ENOX1: variants seen among roughly 807,000 people sequenced by gnomAD.
ENOX1 encodes the protein ecto-NOX disulfide-thiol exchanger 1, also known as candidate growth-related and time keeping constitutive hydroquinone (NADH) oxidase.
A neutral mutation model predicts 82.5 loss-of-function variants in ENOX1; 42 were observed. The ratio of observed to expected loss-of-function variants is 0.51; its 90% CI spans 0.40 to 0.66. The LOEUF is 0.66. Among genes scored for constraint, ENOX1 ranks in the 30% least tolerant of loss-of-function variants. ENOX1 has a pLI of 0.00. For missense variants in ENOX1, 608 were observed against 811.6 expected (o/e 0.75, Z 3.05); for synonymous variants, 271 against 282.2 (o/e 0.96, Z 0.40).
In ENOX1 at chr13:43,329,239, C is replaced by G. The variant is rs541834497; in HGVS notation, c.1037-2714G>C. Among the ~76,000 whole-genome samples the G allele has an allele frequency of 4.6e-5, 7 of 152,220 alleles. No homozygotes were observed. The East Asian group carries it at 1.4e-3, about 29-fold the overall frequency. The stretch of plus-strand genomic sequence containing the variant: ...TCAAGAGAGACCATGTATGCTAACT[C>G]TGATTGGGAACTTTATATTGTAGGA... On this transcript the variant is annotated intron_variant, in intron 9 of 16. Transcript: ENST00000690772.
At chr13:43,389,046 A>G (rs2052603611) in intron 5 of ENOX1, among the ~76,000 whole-genome samples, 1 of 152,192 alleles carries the variant, frequency 6.6e-6, no homozygotes, top group Non-Finnish European at 1.5e-5. Context: ...TAACTTACTA[A>G]ATAACAAAAG....
chr13:43,542,776 G>GT (rs1246178290), intron 2 of ENOX1, among the ~76,000 whole-genome samples: 1 of 152,134 alleles, frequency 6.6e-6, no homozygotes, highest in Non-Finnish European at 1.5e-5. Flanking sequence ...ATACAATACT[G>GT]TACACTGGGT....
chr13:43,416,396 G>A lies in ENOX1; in HGVS notation c.-74-3408C>T, dbSNP rs545223273. Among the ~76,000 whole-genome samples, 62 of 148,490 alleles carry A rather than the reference G, an allele frequency of 4.2e-4. No individual in the cohort carries two copies. In the South Asian group the frequency reaches 6.9e-3, roughly 17 times the overall value. On this transcript the variant is annotated intron_variant, in intron 3 of 16. Transcript: ENST00000690772. Reference sequence around the variant, plus strand: ...TCCTCACATCCCAGACGGGGCGGCCGGACAGAAGCGCTCCTCACATCCCAG... The same window carrying A: ...TCCTCACATCCCAGACGGGGCGGCCAGACAGAAGCGCTCCTCACATCCCAG...
chr13:43,515,834 C>A (rs769947102), intron 2 of ENOX1, among the ~76,000 whole-genome samples: 1 of 152,140 alleles, frequency 6.6e-6, no homozygotes, highest in Non-Finnish European at 1.5e-5. Flanking sequence ...TACTCCAATG[C>A]CTTCACAGCT....
Position 43,351,986 on chromosome 13 carries a change from T to G in ENOX1, c.823+3933A>C, listed in dbSNP as rs117994694. ...TATGTTTCATATTTCCCTTACTCTA[T>G]GAAGGAAGCCTGGCTTTTAGCTAAT... is the stretch of plus-strand genomic sequence containing the variant. On this transcript the variant is annotated intron_variant, in intron 8 of 16. Coordinates refer to ENST00000690772, the MANE Select transcript of ENOX1 (RefSeq NM_001347969.2). 1.9e-3 allele frequency among the ~76,000 whole-genome samples: 283 copies of G among 152,332 alleles called. 11 individuals carry two copies. The South Asian group carries it at 0.052, about 28-fold the overall frequency.
chr13:43,242,247 T>TC (rs2042870746), intron 14 of ENOX1, among the ~76,000 whole-genome samples: 1 of 152,230 alleles, frequency 6.6e-6, no homozygotes, highest in Non-Finnish European at 1.5e-5. Context: ...CTGCCTCACA[T>TC]CTGCTACACA....
intron 11 of ENOX1, among the ~76,000 whole-genome samples, chr13:43,316,156 C>T (rs1026734933): frequency 6.6e-6 from 1 of 152,192 alleles, no homozygotes; most frequent in African/African-American, 2.4e-5. Context: ...GAAGCCAGGG[C>T]CTGACAGGAG....
intron 13 of ENOX1, 71 bp downstream of exon 13, chr13:43,269,399 T>A: frequency 8.6e-7 from 1 of 1,158,728 alleles, no homozygotes; most frequent in Non-Finnish European, 1.3e-6. Flanking sequence ...TTTGCACGGG[T>A]GACGCACAAG....
Position 43,574,834 on chromosome 13 carries a change from G to A in ENOX1, c.-218-90682C>T, listed in dbSNP as rs141723188. Among the ~76,000 whole-genome samples, 5 of 152,246 alleles carry A rather than the reference G, an allele frequency of 3.3e-5. No homozygotes were observed. The East Asian group carries it at 5.8e-4, about 18-fold the overall frequency. ...GTGGATATTTTCAAGGATTCACAGCGAGACACTGGGTGTGTACGATTGAGG... is the reference window on the plus strand; with the variant it reads ...GTGGATATTTTCAAGGATTCACAGCAAGACACTGGGTGTGTACGATTGAGG... On this transcript the variant is annotated intron_variant, in intron 2 of 16. Coordinates refer to ENST00000690772, the MANE Select transcript of ENOX1 (RefSeq NM_001347969.2).
At chr13:43,757,043 T>C (rs937025630) in intron 1 of ENOX1, among the ~76,000 whole-genome samples, 7 of 147,578 alleles carry the variant, frequency 4.7e-5, no homozygotes, top group African/African-American at 1.5e-4. Context: ...TTTCTTAACA[T>C]AGACATATAA....
At chr13:43,668,866 GAGGGC>G (rs1170578294) in intron 1 of ENOX1, among the ~76,000 whole-genome samples, 21 of 152,218 alleles carry the variant, frequency 1.4e-4, no homozygotes, top group Admixed American at 2.6e-4. Context: ...TATAGTGAAT[GAGGGC>G]AGGTCACTAG....
At chr13:43,485,756 A>C (rs1049412809) in intron 2 of ENOX1, among the ~76,000 whole-genome samples, 3 of 152,230 alleles carry the variant, frequency 2.0e-5, no homozygotes, top group Non-Finnish European at 4.4e-5. Flanking sequence ...ATACACTAGC[A>C]TTCTGTTTAC....
At chr13:43,510,869 G>A (rs974383185) in intron 2 of ENOX1, among the ~76,000 whole-genome samples, 1 of 152,010 alleles carries the variant, frequency 6.6e-6, no homozygotes, top group Non-Finnish European at 1.5e-5. Flanking sequence ...ATTGAAAACG[G>A]GCTGGTACAA....
chr13:43,423,063 T>C (rs904781266), intron 3 of ENOX1, among the ~76,000 whole-genome samples: 1 of 152,200 alleles, frequency 6.6e-6, no homozygotes, highest in Non-Finnish European at 1.5e-5. Flanking sequence ...GGGAGGCTAC[T>C]GTATGCAGTT....
intron 1 of ENOX1, among the ~76,000 whole-genome samples, chr13:43,709,858 A>T (rs1424235337): frequency 6.6e-6 from 1 of 152,188 alleles, no homozygotes; most frequent in East Asian, 1.9e-4. Flanking sequence ...AAAAAACAGA[A>T]CCGGAAATAA....
intron 11 of ENOX1, among the ~76,000 whole-genome samples, chr13:43,321,761 C>A (rs1024600828): frequency 6.6e-6 from 1 of 152,208 alleles, no homozygotes; most frequent in Non-Finnish European, 1.5e-5. Flanking sequence ...TTTGAATGAG[C>A]TTTTCCCTTG....
At chr13:43,530,240 C>T (rs555101855) in intron 2 of ENOX1, among the ~76,000 whole-genome samples, 1 of 152,198 alleles carries the variant, frequency 6.6e-6, no homozygotes, top group South Asian at 2.1e-4. Flanking sequence ...AGTATATGAT[C>T]AGAGCAGACA....
At chr13:43,431,168 GAC>G (rs2055635081) in intron 3 of ENOX1, among the ~76,000 whole-genome samples, 1 of 152,196 alleles carries the variant, frequency 6.6e-6, no homozygotes, top group East Asian at 1.9e-4. Flanking sequence ...CGCAGAAACA[GAC>G]ACAGTTTCCC....
At chr13:43,662,631 C>T (rs1269421920) in intron 2 of ENOX1, among the ~76,000 whole-genome samples, 3 of 152,194 alleles carry the variant, frequency 2.0e-5, no homozygotes, top group African/African-American at 7.2e-5. Context: ...ACTACTACCC[C>T]TTCCAGATGA....
Sources: gnomAD v4.1 joint callset for allele counts (sites outside exome capture counted in the v4.1 genomes callset) on GRCh38, gnomAD v4.1.1 for gene constraint, MANE v1.5 for transcripts, NCBI Gene and HGNC (gene_info 2026-07-23, HGNC 2026-07-21) for gene names.